The following PPP2R2B variants were observed in gnomAD, a reference collection of about 807,000 sequenced individuals.
PPP2R2B encodes serine/threonine-protein phosphatase 2A 55 kDa regulatory subunit B beta isoform.
A neutral mutation model predicts 46.0 loss-of-function variants in PPP2R2B; 5 were observed. The ratio of observed to expected loss-of-function variants is 0.11; its 90% CI spans 0.06 to 0.23. PPP2R2B has a LOEUF of 0.23. Ranked by LOEUF, PPP2R2B falls within the 10% of genes least tolerant of loss-of-function variation. The pLI is 1.00. For synonymous variants in PPP2R2B, 215 were observed against 206.7 expected (o/e 1.04, Z -0.34); for missense variants, 367 against 575.0 (o/e 0.64, Z 3.70).
intron 2 of PPP2R2B, among the ~76,000 whole-genome samples, chr5:146,818,356 A>G (rs1305102415): frequency 1.2e-5 from 1 of 82,468 alleles, no homozygotes; most frequent in Admixed American, 1.3e-4. Context: ...AATTCACTGC[A>G]AAAAAAAAAA....
At chr5:146,700,034 A>T (rs1581905976) in intron 3 of PPP2R2B, among the ~76,000 whole-genome samples, 1 of 152,190 alleles carries the variant, frequency 6.6e-6, no homozygotes, top group African/African-American at 2.4e-5. Flanking sequence ...AGGGATTACG[A>T]TGCCCTTATA....
chr5:146,776,004 T>C (rs1034545571), intron 2 of PPP2R2B, among the ~76,000 whole-genome samples: 1 of 152,098 alleles, frequency 6.6e-6, no homozygotes, highest in Non-Finnish European at 1.5e-5. Context: ...ACACATTCAG[T>C]GTTCATGGAT....
chr5:147,063,710 G>A (rs1025250176), intron 2 of PPP2R2B, among the ~76,000 whole-genome samples: 12 of 152,158 alleles, frequency 7.9e-5, no homozygotes, highest in Admixed American at 2.0e-4. Context: ...AAGGATTGCT[G>A]TGACTCTGAT....
chr5:146,656,187 G>GA (rs1776320276), intron 5 of PPP2R2B, among the ~76,000 whole-genome samples: 1 of 152,096 alleles, frequency 6.6e-6, no homozygotes, highest in Non-Finnish European at 1.5e-5. Context: ...TAGCAAGCGA[G>GA]AGGTATGCTC....
chr5:146,957,408 T>A (rs1313236604), intron 1 of PPP2R2B, among the ~76,000 whole-genome samples: 1 of 152,128 alleles, frequency 6.6e-6, no homozygotes, highest in Non-Finnish European at 1.5e-5. Flanking sequence ...GACAGAAGTG[T>A]GTACCATGCA....
At chr5:146,641,433 G>A (rs1775201241) in intron 6 of PPP2R2B, among the ~76,000 whole-genome samples, 1 of 151,312 alleles carries the variant, frequency 6.6e-6, no homozygotes, top group Non-Finnish European at 1.5e-5. Flanking sequence ...CTTTAGGCTT[G>A]TGCTCTCTTA....
chr5:146,819,140 A>T (rs1038977533), intron 2 of PPP2R2B, among the ~76,000 whole-genome samples: 1 of 152,206 alleles, frequency 6.6e-6, no homozygotes, highest in African/African-American at 2.4e-5. Context: ...TGCTCTGAAT[A>T]ATATATTTTG....
intron 1 of PPP2R2B, among the ~76,000 whole-genome samples, chr5:146,933,808 A>G (rs1431721175): frequency 6.7e-6 from 1 of 149,366 alleles, no homozygotes; most frequent in African/African-American, 2.5e-5. Flanking sequence ...CATTAGGTGT[A>G]TCTCCCAATG....
chr5:146,876,264 G>C (rs319214), intron 2 of PPP2R2B, among the ~76,000 whole-genome samples: 3,674 of 152,056 alleles, frequency 0.024, 169 homozygotes, highest in African/African-American at 0.084. Context: ...TAATATCCAG[G>C]GCCCTGAAAA....
In PPP2R2B at chr5:147,080,350, A is replaced by C. The variant is rs116123228; in HGVS notation, c.50+709T>G. ...GCAAAATCTGTTTCAGGCAAGCCCTACTGCATTCTGCTAGAAGAGCTAAAC... is the reference window on the plus strand; with the variant it reads ...GCAAAATCTGTTTCAGGCAAGCCCTCCTGCATTCTGCTAGAAGAGCTAAAC... On this transcript the variant is annotated intron_variant, in intron 2 of 10. Coordinates refer to the PPP2R2B transcript ENST00000394413. 1.6e-3 allele frequency among the ~76,000 whole-genome samples: 238 copies of C among 152,338 alleles called. 1 individual carries two copies. Among genetic ancestry groups the C allele is most frequent in the Middle Eastern group, 6.8e-3 (2 of 294 alleles).
chr5:146,607,470 A>G, intron 7 of PPP2R2B, among the ~76,000 whole-genome samples: 1 of 152,232 alleles, frequency 6.6e-6, no homozygotes, highest in East Asian at 1.9e-4. Context: ...TTAATTCAAC[A>G]AACAGTTGTT....
chr5:146,618,900 A>G (rs1440986146), intron 7 of PPP2R2B, among the ~76,000 whole-genome samples: 1 of 152,194 alleles, frequency 6.6e-6, no homozygotes. Context: ...CAATCCTACC[A>G]TGTGCTAAAT....
At chr5:146,742,147 C>A (rs1252971877) in intron 2 of PPP2R2B, among the ~76,000 whole-genome samples, 1 of 152,210 alleles carries the variant, frequency 6.6e-6, no homozygotes. Context: ...ACCATCTCAA[C>A]AGCCGCCGGG....
intron 2 of PPP2R2B, among the ~76,000 whole-genome samples, chr5:146,719,349 C>G (rs1262566967): frequency 6.6e-6 from 1 of 152,218 alleles, no homozygotes; most frequent in Non-Finnish European, 1.5e-5. Context: ...CTAGAAGTAA[C>G]ATAATGAATG....
At position 146,589,653 on chromosome 5, in the gene PPP2R2B, C is replaced by T. The variant is rs188670433; in HGVS notation, c.*294G>A. Reference sequence around the variant, plus strand: ...AGACACCTAGGAACAAAACACTGGACCCACCAGAGAAAACTGGGCAATAAA... The same window carrying T: ...AGACACCTAGGAACAAAACACTGGATCCACCAGAGAAAACTGGGCAATAAA... On this transcript the variant is annotated 3_prime_UTR_variant, in exon 10 of 10. Transcript: ENST00000394411. 6.4e-5 allele frequency: 23 copies of T among 356,768 alleles called. No individual in the cohort carries two copies. Among genetic ancestry groups the T allele is most frequent in the Non-Finnish European group, 9.2e-5 (18 of 196,024 alleles). The allele number at this position is 356,768 out of a possible 1,614,324, so 22.1% of individuals were successfully genotyped here. A position where few individuals can be genotyped will look rare whatever the true frequency, so the allele number is the denominator to read the frequency against.
At chr5:147,036,668 C>T (rs980351654) in intron 1 of PPP2R2B, among the ~76,000 whole-genome samples, 1 of 152,180 alleles carries the variant, frequency 6.6e-6, no homozygotes, top group Non-Finnish European at 1.5e-5. Context: ...CACAACCTCA[C>T]CAGAATCTCT....
exon 1 of PPP2R2B, chr5:147,055,872 G>A: frequency 4.8e-6 from 7 of 1,460,412 alleles, no homozygotes; most frequent in Non-Finnish European, 6.3e-6. Context: ...TTGCAAAGCT[G>A]GGGTGCCCGA....
intron 2 of PPP2R2B, among the ~76,000 whole-genome samples, chr5:146,754,319 G>A (rs1391862575): frequency 6.6e-6 from 1 of 152,166 alleles, no homozygotes; most frequent in Non-Finnish European, 1.5e-5. Context: ...GTCTGGGAGC[G>A]ATCTCGAGGT....
intron 1 of PPP2R2B, among the ~76,000 whole-genome samples, chr5:146,899,590 A>G (rs553049180): frequency 4.1e-4 from 62 of 152,080 alleles, no homozygotes; most frequent in Admixed American, 7.8e-4. Context: ...TAACCTGCAC[A>G]TTGTGCACAT....
Sources: gnomAD v4.1 joint callset for allele counts (sites outside exome capture counted in the v4.1 genomes callset) on GRCh38, gnomAD v4.1.1 for gene constraint, MANE v1.5 for transcripts, NCBI Gene and HGNC (gene_info 2026-07-23, HGNC 2026-07-21) for gene names.